NTM: variants seen among roughly 807,000 people sequenced by gnomAD.
NTM encodes neurotrimin.
Under a neutral mutation model 42.1 loss-of-function variants are expected in NTM, and 13 were observed. That is an observed-to-expected ratio of 0.31 (90% CI 0.20 to 0.49). The LOEUF is 0.49. Ranked by LOEUF, NTM falls within the 20% of genes least tolerant of loss-of-function variation. The pLI is 0.99. For missense variants in NTM, 373 were observed against 452.8 expected (o/e 0.82, Z 1.60); for synonymous variants, 187 against 179.2 (o/e 1.04, Z -0.35).
At chr11:132,157,930 G>A (rs2073541696) in intron 3 of NTM, among the ~76,000 whole-genome samples, 3 of 152,132 alleles carry the variant, frequency 2.0e-5, no homozygotes, top group African/African-American at 7.2e-5. Context: ...TGAATTCGGA[G>A]GTTTATCCAG....
At chr11:132,152,536 G>C (rs2072192016) in intron 3 of NTM, among the ~76,000 whole-genome samples, 1 of 152,214 alleles carries the variant, frequency 6.6e-6, no homozygotes, top group African/African-American at 2.4e-5. Flanking sequence ...CTTTGAAAAA[G>C]TCAGGAAATT....
At chr11:132,198,450 C>T (rs970097527) in intron 3 of NTM, among the ~76,000 whole-genome samples, 32 of 152,190 alleles carry the variant, frequency 2.1e-4, no homozygotes, top group African/African-American at 7.7e-4. Context: ...ATCCTCCCAC[C>T]TCAGCCTCCC....
intron 2 of NTM, among the ~76,000 whole-genome samples, chr11:131,965,311 G>T (rs191149754): frequency 2.0e-5 from 3 of 152,146 alleles, no homozygotes; most frequent in Non-Finnish European, 4.4e-5. Context: ...GTGGAGGGAG[G>T]TCACCAGGGA....
At chr11:131,910,599 G>A (rs936481888) in intron 1 of NTM, among the ~76,000 whole-genome samples, 1 of 150,892 alleles carries the variant, frequency 6.6e-6, no homozygotes, top group Non-Finnish European at 1.5e-5. Context: ...CCCGGCGGTC[G>A]GGGCCCGCGC....
chr11:131,785,599 C>G (rs1014211578), intron 1 of NTM, among the ~76,000 whole-genome samples: 14 of 152,308 alleles, frequency 9.2e-5, no homozygotes, highest in African/African-American at 3.4e-4. Context: ...GATAATGAAT[C>G]TTTGGTAACG....
chr11:131,754,131 G>T (rs1565504775), intron 1 of NTM, among the ~76,000 whole-genome samples: 2 of 121,316 alleles, frequency 1.6e-5, no homozygotes, highest in African/African-American at 3.1e-5. Flanking sequence ...GGGGCCTGTT[G>T]TGGGGTGGGG....
chr11:132,143,618 TGTA>T (rs2069663348), intron 2 of NTM, among the ~76,000 whole-genome samples: 1 of 152,190 alleles, frequency 6.6e-6, no homozygotes, highest in Non-Finnish European at 1.5e-5. Context: ...AGTGGGCTCA[TGTA>T]GTCAATTAAC....
chr11:131,507,206 T>C (rs1165351807), intron 1 of NTM, among the ~76,000 whole-genome samples: 1 of 152,206 alleles, frequency 6.6e-6, no homozygotes, highest in Non-Finnish European at 1.5e-5. Context: ...TTGCTCAGTT[T>C]TTAATCCATC....
At chr11:132,005,820 C>T (rs2070639522) in intron 2 of NTM, among the ~76,000 whole-genome samples, 1 of 152,182 alleles carries the variant, frequency 6.6e-6, no homozygotes, top group African/African-American at 2.4e-5. Flanking sequence ...ATTAGCTCAC[C>T]TAGACTTAAC....
At chr11:131,608,749 G>A (rs2061219487) in intron 1 of NTM, among the ~76,000 whole-genome samples, 1 of 150,638 alleles carries the variant, frequency 6.6e-6, no homozygotes. Context: ...TGTCTCTATT[G>A]CTCTCTCTCT....
intron 1 of NTM, among the ~76,000 whole-genome samples, chr11:131,462,475 T>C (rs4991180): frequency 0.073 from 11,177 of 152,268 alleles, 990 homozygotes; most frequent in East Asian, 0.21. Flanking sequence ...TAGTGAGGGC[T>C]GGGGTCAGCC....
chr11:131,602,008 T>G (rs2060528973), intron 1 of NTM, among the ~76,000 whole-genome samples: 1 of 152,156 alleles, frequency 6.6e-6, no homozygotes, highest in African/African-American at 2.4e-5. Context: ...CACAAACAGA[T>G]TTTTTACTAG....
At chr11:131,948,116 C>G (rs1168736246) in intron 2 of NTM, among the ~76,000 whole-genome samples, 1 of 152,066 alleles carries the variant, frequency 6.6e-6, no homozygotes, top group African/African-American at 2.4e-5. Context: ...AATCCCAGCA[C>G]TTTGGGAGGC....
intron 7 of NTM, among the ~76,000 whole-genome samples, chr11:132,325,215 C>T (rs1370087067): frequency 6.6e-6 from 1 of 151,678 alleles, no homozygotes; most frequent in Non-Finnish European, 1.5e-5. Flanking sequence ...AAAGAAACTA[C>T]CATCAGAGTG....
chr11:131,741,000 G>A (rs1327038491), intron 1 of NTM, among the ~76,000 whole-genome samples: 3 of 151,966 alleles, frequency 2.0e-5, no homozygotes, highest in African/African-American at 7.2e-5. Flanking sequence ...CCCCGTCTCT[G>A]CTAAAACTAG....
intron 1 of NTM, among the ~76,000 whole-genome samples, chr11:131,519,295 A>G (rs1361077022): frequency 6.6e-6 from 1 of 152,240 alleles, no homozygotes; most frequent in Non-Finnish European, 1.5e-5. Context: ...TGACCAGCCC[A>G]ACTCTTCTTT....
At chr11:131,987,130 G>A (rs760691652) in intron 2 of NTM, among the ~76,000 whole-genome samples, 33 of 152,170 alleles carry the variant, frequency 2.2e-4, no homozygotes, top group South Asian at 4.1e-4. Context: ...TGAGGAAACT[G>A]ATGCACTAAA....
chr11:132,052,773 C>CTGTG (rs5795753), intron 2 of NTM, among the ~76,000 whole-genome samples: 44,767 of 148,122 alleles, frequency 0.3, 7,225 homozygotes, highest in East Asian at 0.72. Flanking sequence ...TCCAGGCTCA[C>CTGTG]TGTGTGTGTG....
chr11:131,965,507 T>C (rs1306571941), intron 2 of NTM, among the ~76,000 whole-genome samples: 1 of 152,194 alleles, frequency 6.6e-6, no homozygotes, highest in Admixed American at 6.5e-5. Context: ...TTATTATTAA[T>C]TGTATTATTA....
Sources: allele counts gnomAD v4.1 joint callset (sites outside exome capture counted in the v4.1 genomes callset), GRCh38; gene constraint gnomAD v4.1.1; transcripts MANE v1.5; gene names NCBI Gene and HGNC (gene_info 2026-07-23, HGNC 2026-07-21).